Variants in COBLL1 observed in about 807,000 individuals in gnomAD.
The protein encoded by COBLL1 is cordon-bleu WH2 repeat protein like 1, also known as cordon-bleu protein-like 1.
A neutral mutation model predicts 94.8 loss-of-function variants in COBLL1; 50 were observed. The observed-to-expected ratio is 0.53, with a 90% confidence interval of 0.42 to 0.67. The LOEUF is 0.67. COBLL1 is among the 30% of genes least tolerant of loss of function. COBLL1 has a pLI of 0.00. For missense variants in COBLL1, 1,362 were observed against 1,348.7 expected (o/e 1.01, Z -0.15); for synonymous variants, 448 against 473.8 (o/e 0.95, Z 0.71).
chr2:164,818,556 T>G (rs190930308), intron 2 of COBLL1, among the ~76,000 whole-genome samples: 1,579 of 148,472 alleles, frequency 0.011, 11 homozygotes, highest in Middle Eastern at 0.036. Context: ...TGTGTACATA[T>G]GTACACATAT....
At chr2:164,671,040 A>G (rs1441863861) in intron 1 of COBLL1, among the ~76,000 whole-genome samples, 4 of 152,156 alleles carry the variant, frequency 2.6e-5, no homozygotes, top group Admixed American at 2.6e-4. Flanking sequence ...GGCATCAAGC[A>G]ATATTCTGAA....
At chr2:164,819,020 C>T (rs2105357536) in intron 2 of COBLL1, among the ~76,000 whole-genome samples, 1 of 152,024 alleles carries the variant, frequency 6.6e-6, no homozygotes, top group East Asian at 1.9e-4. Context: ...ATCCTCCTGC[C>T]TCAGCCTCTC....
chr2:164,669,931 C>T (rs930198105), intron 1 of COBLL1, among the ~76,000 whole-genome samples: 3 of 152,106 alleles, frequency 2.0e-5, no homozygotes, highest in Non-Finnish European at 4.4e-5. Context: ...ACGTGAGAAA[C>T]CTGACTTTCT....
At chr2:164,801,618 A>C (rs1683810160) in intron 2 of COBLL1, among the ~76,000 whole-genome samples, 2 of 151,874 alleles carry the variant, frequency 1.3e-5, no homozygotes, top group South Asian at 4.2e-4. Context: ...AGCCTATCTC[A>C]ATTTTTTTTT....
chr2:164,741,889 T>G (rs1686618408), intron 3 of COBLL1, among the ~76,000 whole-genome samples: 1 of 152,100 alleles, frequency 6.6e-6, no homozygotes, highest in Non-Finnish European at 1.5e-5. Context: ...TAAATTAGAC[T>G]TGAGGAGGAT....
intron 2 of COBLL1, among the ~76,000 whole-genome samples, chr2:164,805,504 C>G (rs142315476): frequency 1.6e-3 from 237 of 150,118 alleles, no homozygotes; most frequent in African/African-American, 5.6e-3. Context: ...TTTATTTGTT[C>G]CTCCTTCCGC....
intron 11 of COBLL1, chr2:164,698,128 A>T (rs1173452210): frequency 6.6e-6 from 1 of 152,068 alleles, no homozygotes; most frequent in African/African-American, 2.4e-5. Context: ...CTTGACAACA[A>T]AAGTCTTAAC....
At chr2:164,734,718 G>A (rs1686208498) in intron 3 of COBLL1, among the ~76,000 whole-genome samples, 1 of 152,152 alleles carries the variant, frequency 6.6e-6, no homozygotes, top group South Asian at 2.1e-4. Flanking sequence ...GCTAGCCAGT[G>A]GAAAGAGGGC....
At chr2:164,801,524 A>T (rs1402483901) in intron 2 of COBLL1, among the ~76,000 whole-genome samples, 1 of 141,388 alleles carries the variant, frequency 7.1e-6, no homozygotes, top group Non-Finnish European at 1.5e-5. Flanking sequence ...TGGGAGGCTG[A>T]GGTGGATTGC....
At chr2:164,661,214 CATT>C (rs1157320847) in intron 2 of COBLL1, among the ~76,000 whole-genome samples, 10 of 150,796 alleles carry the variant, frequency 6.6e-5, no homozygotes, top group African/African-American at 2.4e-4. Flanking sequence ...CTCTATAACT[CATT>C]ATGATATTTA....
chr2:164,808,121 G>A (rs1251462587), intron 2 of COBLL1, among the ~76,000 whole-genome samples: 2 of 152,132 alleles, frequency 1.3e-5, no homozygotes, highest in African/African-American at 4.8e-5. Flanking sequence ...TGCCTGGCCT[G>A]AGCTTCATTT....
At chr2:164,795,760 T>C (rs1683417557) in intron 2 of COBLL1, among the ~76,000 whole-genome samples, 1 of 152,218 alleles carries the variant, frequency 6.6e-6, no homozygotes, top group Non-Finnish European at 1.5e-5. Flanking sequence ...TCAACAATCT[T>C]AAAATATACA....
At chr2:164,756,048 T>A (rs1687384498) in intron 2 of COBLL1, among the ~76,000 whole-genome samples, 1 of 147,160 alleles carries the variant, frequency 6.8e-6, no homozygotes, top group Non-Finnish European at 1.5e-5. Flanking sequence ...AGTGTGTATA[T>A]GGCAGCATGA....
chr2:164,692,392 A>C lies in COBLL1; in HGVS notation c.3129T>G (p.Asn1043Lys). 6.3e-7 allele frequency: 1 copy of C among 1,589,788 alleles called. No homozygotes were observed. The highest frequency in any genetic ancestry group is 1.2e-5 in the South Asian group (1 of 86,498). The change falls in exon 13 of 14, where the codon AAT (asparagine) becomes AAG (lysine). Residue 1043 changes from asparagine to lysine, a missense_variant. Transcript: ENST00000652658. ...IPQLGVSDKE[N>K]NSAHNEQNSQ... ...AATTCTGTTCATTATGTGCAGAGTT[A>C]TTTTCCTACAAAAATAAATGTGAAA...
chr2:164,825,077 C>T (rs1685360191), intron 2 of COBLL1, among the ~76,000 whole-genome samples: 1 of 152,176 alleles, frequency 6.6e-6, no homozygotes, highest in African/African-American at 2.4e-5. Context: ...TCTACATCTA[C>T]TGGATGTGGG....
intron 1 of COBLL1, among the ~76,000 whole-genome samples, chr2:164,667,361 T>C (rs1353580013): frequency 6.6e-6 from 1 of 152,190 alleles, no homozygotes; most frequent in Non-Finnish European, 1.5e-5. Context: ...AGCACTGGTT[T>C]CAACTTAAAG....
At chr2:164,669,748 A>G (rs1034419554) in intron 1 of COBLL1, among the ~76,000 whole-genome samples, 2 of 152,226 alleles carry the variant, frequency 1.3e-5, no homozygotes, top group Admixed American at 1.3e-4. Flanking sequence ...TTGCCACTTC[A>G]CTGTGAAAAT....
At chr2:164,779,840 A>G (rs988151875) in intron 2 of COBLL1, 8 of 438,732 alleles carry the variant, frequency 1.8e-5, no homozygotes, top group African/African-American at 1.4e-4. Context: ...TAGACCGAAC[A>G]TTAAAGGGAG....
intron 3 of COBLL1, among the ~76,000 whole-genome samples, chr2:164,735,931 C>T (rs960624131): frequency 2.6e-5 from 4 of 152,286 alleles, no homozygotes; most frequent in Admixed American, 2.6e-4. Flanking sequence ...AATCACTCCT[C>T]TATATTATTA....
Sources: allele counts gnomAD v4.1 joint callset (sites outside exome capture counted in the v4.1 genomes callset), GRCh38; gene constraint gnomAD v4.1.1; transcripts MANE v1.5; gene names NCBI Gene and HGNC (gene_info 2026-07-23, HGNC 2026-07-21).